TUSC3: variants seen among roughly 807,000 people sequenced by gnomAD.
TUSC3 encodes dolichyl-diphosphooligosaccharide--protein glycosyltransferase subunit TUSC3.
TUSC3 carries 45 observed loss-of-function variants against 44.8 expected under a neutral mutation model. That is an observed-to-expected ratio of 1.00 (90% confidence interval 0.79 to 1.29). The LOEUF is 1.29. TUSC3 is among the 50% of genes most tolerant of loss of function. The probability of loss-of-function intolerance (pLI) is 0.00; values close to 1 mark genes in which losing one functional copy is unlikely to be tolerated. For missense variants in TUSC3, 519 were observed against 437.9 expected (o/e 1.19, Z -1.65); for synonymous variants, 212 against 152.9 (o/e 1.39, Z -2.85).
At chr8:15,511,784 C>G (rs905236797) in intron 2 of TUSC3, among the ~76,000 whole-genome samples, 1 of 152,052 alleles carries the variant, frequency 6.6e-6, no homozygotes, top group East Asian at 1.9e-4. Flanking sequence ...GAAGGAAGAA[C>G]TGATTGAACC....
chr8:15,819,060 A>C, the TUSC3 span, among the ~76,000 whole-genome samples: 1 of 148,102 alleles, frequency 6.8e-6, no homozygotes, highest in African/African-American at 2.5e-5. Flanking sequence ...CCCTGTCTCT[A>C]CAAGAAAAAA....
intron 6 of TUSC3, among the ~76,000 whole-genome samples, chr8:15,695,871 A>T (rs1809136677): frequency 6.6e-6 from 1 of 152,154 alleles, no homozygotes; most frequent in Non-Finnish European, 1.5e-5. Flanking sequence ...GATTTAGGGT[A>T]TGTGGTGGAA....
chr8:15,508,457 C>CTTTTTTTTTTTTT (rs1200727081), intron 2 of TUSC3, among the ~76,000 whole-genome samples: 3 of 79,610 alleles, frequency 3.8e-5, no homozygotes, highest in African/African-American at 4.9e-5. Context: ...TCGAAGCTTC[C>CTTTTTTTTTTTTT]TTTTTTTTTT....
At chr8:15,639,566 T>C (rs1806265069) in intron 2 of TUSC3, among the ~76,000 whole-genome samples, 1 of 152,244 alleles carries the variant, frequency 6.6e-6, no homozygotes, top group Non-Finnish European at 1.5e-5. Flanking sequence ...CTTTTAAGCA[T>C]TTAAAGATAA....
intron 2 of TUSC3, among the ~76,000 whole-genome samples, chr8:15,490,861 AT>A (rs1341979171): frequency 6.6e-6 from 1 of 152,236 alleles, no homozygotes; most frequent in East Asian, 1.9e-4. Flanking sequence ...AGGTCTAGTC[AT>A]TCTTAGAAGT....
chr8:15,851,750 G>A, the TUSC3 span, among the ~76,000 whole-genome samples: 14 of 152,126 alleles, frequency 9.2e-5, no homozygotes, highest in African/African-American at 3.4e-4. Flanking sequence ...TCCAGTATAA[G>A]CTTTCTGGTT....
chr8:15,812,960 G>A, the TUSC3 span, among the ~76,000 whole-genome samples: 1 of 152,022 alleles, frequency 6.6e-6, no homozygotes, highest in Admixed American at 6.6e-5. Context: ...TGGGCGTGGT[G>A]GCATGTGACT....
chr8:15,792,515 T>G, the TUSC3 span, among the ~76,000 whole-genome samples: 6 of 152,194 alleles, frequency 3.9e-5, no homozygotes, highest in Non-Finnish European at 7.3e-5. Flanking sequence ...CATATGAAAT[T>G]CATGATCGGG....
intron 1 of TUSC3, among the ~76,000 whole-genome samples, chr8:15,425,196 C>A (rs1365599277): frequency 2.6e-5 from 4 of 152,102 alleles, no homozygotes; most frequent in South Asian, 2.1e-4. Flanking sequence ...GTCAAGTTTT[C>A]CATTTTCAAT....
chr8:15,655,331 G>A (rs1563156324), intron 3 of TUSC3, among the ~76,000 whole-genome samples: 1 of 152,012 alleles, frequency 6.6e-6, no homozygotes, highest in Non-Finnish European at 1.5e-5. Context: ...GACCTTCCTC[G>A]CGGAACACTC....
intron 1 of TUSC3, among the ~76,000 whole-genome samples, chr8:15,428,217 G>C (rs1799829982): frequency 1.3e-5 from 2 of 148,996 alleles, no homozygotes; most frequent in African/African-American, 5.0e-5. Flanking sequence ...AGAACATGTG[G>C]TGTTTGGTTT....
chr8:15,792,972 G>A, the TUSC3 span, among the ~76,000 whole-genome samples: 2,979 of 151,884 alleles, frequency 0.02, 98 homozygotes, highest in African/African-American at 0.066. Flanking sequence ...TCTGTAAGGC[G>A]CCTACCTCCT....
intron 2 of TUSC3, among the ~76,000 whole-genome samples, chr8:15,641,696 C>A (rs549173273): frequency 1.3e-5 from 2 of 152,252 alleles, no homozygotes; most frequent in South Asian, 4.1e-4. Context: ...GTGGCTTTCT[C>A]AAGTTTATAC....
chr8:15,570,148 C>T (rs1802818794), intron 1 of TUSC3, among the ~76,000 whole-genome samples: 1 of 151,988 alleles, frequency 6.6e-6, no homozygotes, highest in African/African-American at 2.4e-5. Flanking sequence ...ACTACTTTCT[C>T]ATTGTAGGGA....
intron 5 of TUSC3, among the ~76,000 whole-genome samples, chr8:15,668,280 G>C (rs1006628862): frequency 4.6e-5 from 7 of 151,568 alleles, no homozygotes; most frequent in Non-Finnish European, 8.9e-5. Flanking sequence ...AGCATTGTAG[G>C]TCATGGCTGG....
intron 1 of TUSC3, among the ~76,000 whole-genome samples, chr8:15,595,465 G>A (rs547856485): frequency 6.6e-6 from 1 of 152,122 alleles, no homozygotes; most frequent in African/African-American, 2.4e-5. Context: ...AGGGAGTAGG[G>A]TGGAACAGAC....
intron 1 of TUSC3, among the ~76,000 whole-genome samples, chr8:15,450,582 A>G (rs775955196): frequency 6.6e-6 from 1 of 152,174 alleles, no homozygotes; most frequent in Non-Finnish European, 1.5e-5. Context: ...AGGCAGGAGA[A>G]TAGCTTGAAC....
At chr8:15,456,970 G>T (rs1169464039) in intron 1 of TUSC3, among the ~76,000 whole-genome samples, 1 of 152,096 alleles carries the variant, frequency 6.6e-6, no homozygotes, top group Non-Finnish European at 1.5e-5. Flanking sequence ...ACAATTCCAA[G>T]TGTACAGAAG....
At chr8:15,523,991 G>C (rs543402167) in intron 2 of TUSC3, among the ~76,000 whole-genome samples, 32 of 150,800 alleles carry the variant, frequency 2.1e-4, no homozygotes, top group African/African-American at 6.8e-4. Context: ...AGAAGGTGCA[G>C]GTTGCAGTGA....
Sources: gnomAD v4.1 joint callset for allele counts (sites outside exome capture counted in the v4.1 genomes callset) on GRCh38, gnomAD v4.1.1 for gene constraint, MANE v1.5 for transcripts, NCBI Gene and HGNC (gene_info 2026-07-23, HGNC 2026-07-21) for gene names.